Variants in ELP1 observed in about 807,000 individuals in gnomAD.
The protein encoded by ELP1 is elongator complex protein 1.
Under a neutral mutation model 183.2 loss-of-function variants are expected in ELP1, and 131 were observed. The observed-to-expected ratio is 0.72, with a 90% CI of 0.62 to 0.83. The LOEUF (loss-of-function observed/expected upper bound fraction) is 0.83. ELP1 is among the 40% of genes least tolerant of loss of function. ELP1 has a pLI of 0.00. For missense variants in ELP1, 1,550 were observed against 1,594.9 expected (o/e 0.97, Z 0.48); for synonymous variants, 555 against 569.0 (o/e 0.98, Z 0.35).
rs753571092 is a variant in ELP1, at chr9:108,903,681, AAGG to A, written c.1644-15_1644-13del. ...CCGCTGCAGATGAACTGACAAAAAA[AAGG>A]AGAAGGGAGTGTAAACAGACCATTT... On this transcript the variant is annotated splice_polypyrimidine_tract_variant and intron_variant, in intron 14 of 36. Transcript: ENST00000374647. The A allele has an allele frequency of 6.1e-5, 98 of 1,595,548 alleles. No individual in the cohort carries two copies. The East Asian group carries it at 1.3e-3, about 22-fold the overall frequency.
chr9:108,929,206 T>A (rs1829918158), intron 3 of ELP1, among the ~76,000 whole-genome samples: 1 of 152,160 alleles, frequency 6.6e-6, no homozygotes, highest in South Asian at 2.1e-4. Context: ...CAAGTGTAAT[T>A]TGAAACCCTT....
rs768826752 is a variant in ELP1 at position 108,929,862 on chromosome 9, G to T, written c.210C>A (p.Arg70=). Residue 70 remains arginine, a synonymous_variant, in exon 3 of 37, where the codon CGC becomes CGA. Transcript: ENST00000374647. ...EGFLPEDGSG[R]IVGVQDLLDQ... ...CCAGCAAGTCCTGAACACCAACAAT[G>T]CGGCCACTTCCATCCTCTGGGAGAA... 1 of 1,613,926 alleles carries T rather than the reference G, an allele frequency of 6.2e-7. No homozygotes were observed. Among genetic ancestry groups the T allele is most frequent in the Admixed American group, 1.7e-5 (1 of 60,020 alleles).
intron 5 of ELP1, among the ~76,000 whole-genome samples, chr9:108,923,590 T>C (rs1280336445): frequency 6.6e-6 from 1 of 152,142 alleles, no homozygotes; most frequent in Non-Finnish European, 1.5e-5. Context: ...AACCCCAAGA[T>C]GAGAACTGGG....
rs138431443 is a variant in ELP1 at position 108,928,455 on chromosome 9, A to G, written c.304-1002T>C. Among the ~76,000 whole-genome samples, 230 of 152,330 alleles carry G rather than the reference A, an allele frequency of 1.5e-3. 1 individual carries two copies. The highest frequency in any genetic ancestry group is 6.1e-3 in the Admixed American group (94 of 15,298). Reference sequence around the variant, plus strand: ...TTCTGACGTGTTTCAAAGAGTGGTAATAAGGACAGGAAAGAGAGACCAGGA... The same window carrying G: ...TTCTGACGTGTTTCAAAGAGTGGTAGTAAGGACAGGAAAGAGAGACCAGGA... On this transcript the variant is annotated intron_variant, in intron 3 of 36. Transcript: ENST00000374647.
chr9:108,910,159 CT>C (rs1343887472), intron 12 of ELP1, among the ~76,000 whole-genome samples: 1 of 151,910 alleles, frequency 6.6e-6, no homozygotes, highest in African/African-American at 2.4e-5. Flanking sequence ...CATATTTGCA[CT>C]TTTTTTTAAA....
rs1435868507 is a variant in ELP1, at chr9:108,898,720, A to G, written c.2234T>C (p.Met745Thr). The G allele has an allele frequency of 6.2e-7, 1 of 1,611,984 alleles. No individual in the cohort carries two copies. The highest frequency in any genetic ancestry group is 8.5e-7 in the Non-Finnish European group (1 of 1,178,652). The change falls in exon 21 of 37, where the codon ATG becomes ACG. Residue 745 changes from methionine (M) to threonine (T), a missense_variant. By Grantham distance (81) the Met-to-Thr change is moderately conservative. Transcript: ENST00000374647. ...KLMFKEAFEC[M>T]RKLRINLNLI... ...ATTGAGATTGATTCTCAGCTTTCTC[A>G]TGCATTCAAATGCCTCTTTAAACAT...
intron 29 of ELP1, among the ~76,000 whole-genome samples, chr9:108,885,329 A>G (rs1380948820): frequency 2.0e-5 from 3 of 152,256 alleles, no homozygotes; most frequent in African/African-American, 7.2e-5. Context: ...AATGAAAGAC[A>G]GGACATCACC....
chr9:108,895,444 C>T (rs1014651843), intron 25 of ELP1, among the ~76,000 whole-genome samples: 9 of 152,030 alleles, frequency 5.9e-5, no homozygotes, highest in Non-Finnish European at 1.2e-4. Context: ...CAGTCAAAGC[C>T]CATGGATGGC....
rs1218824129 is a variant in ELP1, at chr9:108,934,024, C to A, written c.-216G>T. On this transcript the variant is annotated 5_prime_UTR_variant, in exon 1 of 37. Transcript: ENST00000374647. ...CTCTCTCTCCGACGGCACTAGGCCT[C>A]CAAGGATGGAGGCGCCCTCCAGGGG... The A allele has an allele frequency of 6.2e-6, 1 of 162,530 alleles. No homozygotes were observed. The highest frequency in any genetic ancestry group is 1.3e-5 in the Non-Finnish European group (1 of 74,282). The allele number at this position is 162,530 out of a possible 1,614,324, so 10.1% of individuals were successfully genotyped here. A position where few individuals can be genotyped will look rare whatever the true frequency, so the allele number is the denominator to read the frequency against.
chr9:108,896,656 T>C lies in ELP1; in HGVS notation c.2588-12A>G. On this transcript the variant is annotated splice_polypyrimidine_tract_variant and intron_variant, in intron 24 of 36. Coordinates refer to ENST00000374647, the MANE Select transcript of ELP1 (RefSeq NM_003640.5). ...AGAGGGAGCATTTCCTAACAGTGTT[T>C]AGAAAACAAAACAGAACACAATCAT... 6.2e-7 allele frequency: 1 copy of C among 1,613,516 alleles called. No individual in the cohort carries two copies. The highest frequency in any genetic ancestry group is 8.5e-7 in the Non-Finnish European group (1 of 1,179,462).
chr9:108,908,287 A>G lies in ELP1; in HGVS notation c.1460+18T>C, dbSNP rs1408905894. 6.3e-7 allele frequency: 1 copy of G among 1,581,268 alleles called. No homozygotes were observed. Among genetic ancestry groups the G allele is most frequent in the Non-Finnish European group, 8.7e-7 (1 of 1,150,122 alleles). ...GGCTGATTCTGTTCCCAGAAGCCCA[A>G]GATAATTAAGAACCTACTTGTATCT... On this transcript the variant is annotated intron_variant, in intron 13 of 36. Transcript: ENST00000374647.
chr9:108,923,384 A>C (rs966925250), intron 5 of ELP1, among the ~76,000 whole-genome samples: 4 of 152,116 alleles, frequency 2.6e-5, no homozygotes, highest in African/African-American at 9.7e-5. Flanking sequence ...CAAAACAAAC[A>C]AACAAAACCC....
chr9:108,926,716 A>G (rs945367662), intron 4 of ELP1, 113 bp from the exon 5 acceptor site: 2 of 762,368 alleles, frequency 2.6e-6, no homozygotes, highest in East Asian at 5.4e-5. Flanking sequence ...CAGAGCAGAC[A>G]GAATTCATCC....
At chr9:108,873,200 T>C (rs1587865895) in intron 36 of ELP1, among the ~76,000 whole-genome samples, 1 of 152,356 alleles carries the variant, frequency 6.6e-6, no homozygotes, top group East Asian at 1.9e-4. Context: ...TTTTAATCTA[T>C]TTTATGTAAT....
chr9:108,893,844 T>C, intron 26 of ELP1, 99 bp downstream of exon 26: 1 of 1,286,590 alleles, frequency 7.8e-7, no homozygotes, highest in Non-Finnish European at 1.1e-6. Flanking sequence ...GAGTGGGAAG[T>C]GAAATCAGTC....
Position 108,881,758 on chromosome 9 carries a change from T to G in ELP1, c.3293A>C (p.Lys1098Thr). 1 of 1,552,864 alleles carries G rather than the reference T, an allele frequency of 6.4e-7. No individual in the cohort carries two copies. Reference sequence around the variant, plus strand: ...TTCTATAATATCCAGTCTGTTATATTTGTATACCTAGAAGGAAAAACACAA... The same window carrying G: ...TTCTATAATATCCAGTCTGTTATATGTGTATACCTAGAAGGAAAAACACAA... ...AWEEALRLVY[K>T]YNRLDIIETN... is the part of the protein sequence containing the mutation. The change falls in exon 31 of 37, where the codon AAA (lysine) becomes ACA (threonine). Residue 1098 changes from lysine to threonine, a missense_variant. Transcript: ENST00000374647.
chr9:108,899,257 G>C (rs549798297), intron 20 of ELP1, among the ~76,000 whole-genome samples: 1 of 151,522 alleles, frequency 6.6e-6, no homozygotes, highest in African/African-American at 2.4e-5. Flanking sequence ...CCGAGATTGC[G>C]CCACTGTACT....
intron 16 of ELP1, among the ~76,000 whole-genome samples, 187 bp downstream of exon 16, chr9:108,902,652 C>G (rs1828853830): frequency 1.3e-5 from 2 of 152,168 alleles, no homozygotes; most frequent in Admixed American, 1.3e-4. Flanking sequence ...CCCTGATAGA[C>G]AGATACTGAT....
chr9:108,898,928 T>A (rs145772465), intron 20 of ELP1, among the ~76,000 whole-genome samples, 179 bp from the exon 21 acceptor site: 98 of 152,312 alleles, frequency 6.4e-4, no homozygotes, highest in Non-Finnish European at 1.1e-3. Context: ...ACCACATTCA[T>A]TTACCTTCTT....
Sources: allele counts gnomAD v4.1 joint callset (sites outside exome capture counted in the v4.1 genomes callset), GRCh38; gene constraint gnomAD v4.1.1; transcripts MANE v1.5; gene names NCBI Gene and HGNC (gene_info 2026-07-23, HGNC 2026-07-21).